TAF4: variants seen among roughly 807,000 people sequenced by gnomAD.
TAF4 encodes TATA-box binding protein associated factor 4.
TAF4 carries 9 observed loss-of-function variants against 90.3 expected under a neutral mutation model. The ratio of observed to expected loss-of-function variants is 0.10; its 90% CI spans 0.06 to 0.17. TAF4 has a LOEUF of 0.17. TAF4 is among the 10% of genes least tolerant of loss of function. The pLI, the probability that TAF4 is intolerant of heterozygous loss-of-function variation, is 1.00. For missense variants in TAF4, 1,351 were observed against 1,370.7 expected (o/e 0.99, Z 0.23); for synonymous variants, 818 against 638.9 (o/e 1.28, Z -4.23).
intron 1 of TAF4, among the ~76,000 whole-genome samples, chr20:62,048,047 C>G (rs2056003612): frequency 6.6e-6 from 1 of 152,208 alleles, no homozygotes; most frequent in African/African-American, 2.4e-5. Context: ...GTCCCCCACC[C>G]AGAGTCACAA....
chr20:61,984,084 C>T (rs570901432), intron 14 of TAF4, among the ~76,000 whole-genome samples: 1 of 152,342 alleles, frequency 6.6e-6, no homozygotes, highest in African/African-American at 2.4e-5. Flanking sequence ...AACAGCATGC[C>T]TGCCGCAGAA....
intron 1 of TAF4, among the ~76,000 whole-genome samples, chr20:62,050,197 G>A (rs531949843): frequency 8.5e-5 from 13 of 152,254 alleles, no homozygotes; most frequent in South Asian, 6.2e-4. Context: ...GCACAGCAGC[G>A]ACCAGGGCAC....
chr20:62,035,116 G>A (rs781756492), intron 1 of TAF4, among the ~76,000 whole-genome samples: 16 of 152,034 alleles, frequency 1.1e-4, no homozygotes, highest in South Asian at 2.1e-4. Context: ...CACCGCACCC[G>A]GCCCATAGAT....
intron 1 of TAF4, among the ~76,000 whole-genome samples, chr20:62,028,554 G>A (rs754864687): frequency 6.6e-6 from 1 of 152,116 alleles, no homozygotes; most frequent in Non-Finnish European, 1.5e-5. Flanking sequence ...GAACACTGCG[G>A]GGCGACTGTA....
chr20:62,059,236 T>A (rs1268053780), intron 1 of TAF4, among the ~76,000 whole-genome samples: 3 of 152,248 alleles, frequency 2.0e-5, no homozygotes, highest in Non-Finnish European at 2.9e-5. Context: ...CACCGCGGAC[T>A]GACCAACAGC....
chr20:62,012,672 T>C, intron 3 of TAF4, 143 bp downstream of exon 3: 1 of 1,212,314 alleles, frequency 8.2e-7, no homozygotes, highest in South Asian at 2.3e-5. Context: ...AAGCACTTTC[T>C]TCACAGAGAA....
At position 62,064,826 on chromosome 20, in the gene TAF4, G is replaced by C. The variant is rs2056114464; in HGVS notation, c.985C>G (p.Pro329Ala). 1.0e-6 allele frequency: 1 copy of C among 976,310 alleles called. No homozygotes were observed. The highest frequency in any genetic ancestry group is 5.3e-4 in the Middle Eastern group (1 of 1,892). 60.5% of individuals were successfully genotyped at this position (976,310 alleles called of 1,614,324 possible). A position where few individuals can be genotyped will look rare whatever the true frequency, so the allele number is the denominator to read the frequency against. ...GCCGCAGCCGCCGCGCCGGGCCCGG[G>C]TTGGCCGCTGACCCCCGCGGGGCCC... ...AGGPAGVSGQ[P>A]GPGAAAAAPA... Residue 329 changes from proline to alanine, a missense_variant, in exon 1 of 15, where the codon CCC becomes GCC. By Grantham distance (27) the Pro-to-Ala change is conservative. This residue lies in a region of TAF4 where 782 missense variants were observed against 536.6 expected (regional missense o/e 1.46). Coordinates refer to ENST00000252996, the MANE Select transcript of TAF4 (RefSeq NM_003185.4).
Position 62,065,842 on chromosome 20 carries a change from C to G in TAF4, c.-32G>C. On this transcript the variant is annotated 5_prime_UTR_variant, in exon 1 of 15. Coordinates refer to ENST00000252996, the MANE Select transcript of TAF4 (RefSeq NM_003185.4). ...TCCTCGGCCGCCGCCGCCGCCGCCG[C>G]TCGGGCCGAGCGCGCCTGGGCGAGG... 2 of 1,241,612 alleles carry G rather than the reference C, an allele frequency of 1.6e-6. No homozygotes were observed. The highest frequency in any genetic ancestry group is 1.0e-6 in the Non-Finnish European group (1 of 968,704). The allele number at this position is 1,241,612 out of a possible 1,614,324, so 76.9% of individuals were successfully genotyped here.
At chr20:62,029,069 G>A (rs752724808) in intron 1 of TAF4, among the ~76,000 whole-genome samples, 3 of 151,878 alleles carry the variant, frequency 2.0e-5, no homozygotes, top group South Asian at 2.1e-4. Flanking sequence ...GGTGGTGGGC[G>A]CCTGTAGTCC....
At chr20:62,063,514 G>A (rs2056101874) in intron 1 of TAF4, among the ~76,000 whole-genome samples, 1 of 152,206 alleles carries the variant, frequency 6.6e-6, no homozygotes, top group Non-Finnish European at 1.5e-5. Context: ...TGTCAAACTT[G>A]AGGGGCCCTG....
chr20:62,043,139 C>T (rs868596567), intron 1 of TAF4, among the ~76,000 whole-genome samples: 2 of 152,082 alleles, frequency 1.3e-5, no homozygotes, highest in African/African-American at 4.8e-5. Context: ...CTGGGCAACA[C>T]GGTGAAACCT....
chr20:62,057,257 ACACCCAGCGCC>A (rs2056069931), intron 1 of TAF4, among the ~76,000 whole-genome samples: 1 of 152,188 alleles, frequency 6.6e-6, no homozygotes. Flanking sequence ...TGCTTGGGCC[ACACCCAGCGCC>A]CAGAGAAGGG....
At chr20:62,013,025 T>G in intron 2 of TAF4, 91 bp from the exon 3 acceptor site, 1 of 1,538,604 alleles carries the variant, frequency 6.5e-7, no homozygotes, top group Non-Finnish European at 8.7e-7. Flanking sequence ...CATATGTAAC[T>G]AGTATATCCA....
intron 1 of TAF4, chr20:62,064,245 G>C (rs1018689294): frequency 6.3e-6 from 3 of 476,684 alleles, no homozygotes; most frequent in Admixed American, 4.4e-5. Context: ...CGACAGGGAC[G>C]CAGGCTATGC....
Position 62,014,611 on chromosome 20 carries a change from G to T in TAF4, c.1457C>A (p.Thr486Asn). Residue 486 changes from threonine (T) to asparagine (N), a missense_variant, in exon 2 of 15, where the codon ACC becomes AAC. This residue lies in a region of TAF4 where 143 missense variants were observed against 176.3 expected (regional missense o/e 0.81). Coordinates refer to ENST00000252996, the MANE Select transcript of TAF4 (RefSeq NM_003185.4). ...GGTGGCAGGGCGAGGCGCCATGGTGGTCTGAGGCTGGGCATGGGCCTGCGC... is the reference window on the plus strand; with the variant it reads ...GGTGGCAGGGCGAGGCGCCATGGTGTTCTGAGGCTGGGCATGGGCCTGCGC... ...MQAQAHAQPQ[T>N]TMAPRPATPT... 6.2e-7 allele frequency: 1 copy of T among 1,614,098 alleles called. No individual in the cohort carries two copies. The highest frequency in any genetic ancestry group is 8.5e-7 in the Non-Finnish European group (1 of 1,180,012).
chr20:62,050,185 C>A (rs1458446084), intron 1 of TAF4, among the ~76,000 whole-genome samples: 1 of 152,182 alleles, frequency 6.6e-6, no homozygotes, highest in Non-Finnish European at 1.5e-5. Flanking sequence ...CCAGAAGGTT[C>A]TGCACAGCAG....
chr20:62,006,685 G>A lies in TAF4; in HGVS notation c.2048C>T (p.Pro683Leu). The A allele has an allele frequency of 6.3e-7, 1 of 1,594,232 alleles. No individual in the cohort carries two copies. Among genetic ancestry groups the A allele is most frequent in the Non-Finnish European group, 8.6e-7 (1 of 1,167,006 alleles). ...AGTGGTGGCCTGCGAGGTGGGCGGTGGCGGCTGCTGCTGGCTCTGCTGGAT... is the reference window on the plus strand; with the variant it reads ...AGTGGTGGCCTGCGAGGTGGGCGGTAGCGGCTGCTGCTGGCTCTGCTGGAT... Reference protein sequence around the residue: ...AFIQQSQQQPPPPTSQATTAL... With the variant: ...AFIQQSQQQPLPPTSQATTAL... The change falls in exon 7 of 15, where the codon CCA becomes CTA. Residue 683 changes from proline to leucine, a missense_variant. Pro to Leu is a moderately conservative substitution (Grantham distance 98). This residue lies in a region of TAF4 where 202 missense variants were observed against 229.7 expected (regional missense o/e 0.88). Coordinates refer to ENST00000252996, the MANE Select transcript of TAF4 (RefSeq NM_003185.4). The surrounding 1 kb of genome is among the most constrained non-coding windows in gnomAD (Gnocchi z 7.0).
chr20:61,976,404 A>C (rs1424899052), intron 14 of TAF4, 69 bp from the exon 15 acceptor site: 1 of 1,570,024 alleles, frequency 6.4e-7, no homozygotes, highest in African/African-American at 1.4e-5. Context: ...GAGCCTGTGT[A>C]TCTGAGCCAA....
intron 9 of TAF4, 69 bp from the exon 10 acceptor site, chr20:62,000,790 A>G: frequency 6.4e-7 from 1 of 1,571,476 alleles, no homozygotes; most frequent in South Asian, 1.1e-5. Context: ...TGGGGTGGTA[A>G]GGGCAGGAAA....
Sources: allele counts gnomAD v4.1 joint callset (sites outside exome capture counted in the v4.1 genomes callset), GRCh38; gene constraint gnomAD v4.1.1; regional missense constraint gnomAD v4.1.1; non-coding constraint Gnocchi (gnomAD v3.1); transcripts MANE v1.5; gene names NCBI Gene and HGNC (gene_info 2026-07-23, HGNC 2026-07-21).